EXT1: variants seen among roughly 807,000 people sequenced by gnomAD.
The protein encoded by EXT1 is exostosin-1.
EXT1 carries 20 observed loss-of-function variants against 82.5 expected under a neutral mutation model. The observed-to-expected ratio is 0.24, with a 90% CI of 0.17 to 0.35. EXT1 has a LOEUF of 0.35. Among genes scored for constraint, EXT1 ranks in the 10% least tolerant of loss-of-function variants. The pLI is 1.00. For synonymous variants in EXT1, 348 were observed against 350.8 expected (o/e 0.99, Z 0.09); for missense variants, 757 against 936.5 (o/e 0.81, Z 2.50).
rs563340094 is a variant in EXT1 at position 118,039,205 on chromosome 8, T to C, written c.962+70880A>G. Among the ~76,000 whole-genome samples the C allele has an allele frequency of 2.0e-5, 3 of 152,366 alleles. No homozygotes were observed. The East Asian group carries it at 5.8e-4, about 29-fold the overall frequency. On this transcript the variant is annotated intron_variant, in intron 1 of 10. Transcript: ENST00000378204. ...AAGTATACTTTTTACAAAGTGTATG[T>C]AGGCTCAGATAATGTATTTGCTGAT...
At chr8:117,991,977 G>A (rs1407640611) in intron 1 of EXT1, among the ~76,000 whole-genome samples, 1 of 152,192 alleles carries the variant, frequency 6.6e-6, no homozygotes, top group Non-Finnish European at 1.5e-5. Context: ...CAAAAACCCA[G>A]CATGGCACCT....
At chr8:118,006,073 G>A (rs1326465477) in intron 1 of EXT1, among the ~76,000 whole-genome samples, 5 of 152,194 alleles carry the variant, frequency 3.3e-5, no homozygotes, top group Non-Finnish European at 4.4e-5. Flanking sequence ...ATCCTCTCAG[G>A]TATACTCAGC....
At chr8:118,100,417 T>C (rs570410421) in intron 1 of EXT1, among the ~76,000 whole-genome samples, 1 of 152,226 alleles carries the variant, frequency 6.6e-6, no homozygotes, top group East Asian at 1.9e-4. Flanking sequence ...TCACACACGG[T>C]GTCCCTCCAA....
rs150607538 is a variant in EXT1, at chr8:118,044,110, G to A, written c.962+65975C>T. Among the ~76,000 whole-genome samples, 1,048 of 152,210 alleles carry A rather than the reference G, an allele frequency of 6.9e-3. 3 individuals carry two copies. The highest frequency in any genetic ancestry group is 0.011 in the Non-Finnish European group (778 of 68,026). On this transcript the variant is annotated intron_variant, in intron 1 of 10. Coordinates refer to ENST00000378204, the MANE Select transcript of EXT1 (RefSeq NM_000127.3). Reference sequence around the variant, plus strand: ...GTTAAACATCAGGGTTACGTATAACGCCGACTGAAATGGATTTTTTGTTCC... The same window carrying A: ...GTTAAACATCAGGGTTACGTATAACACCGACTGAAATGGATTTTTTGTTCC...
rs61249983 is a variant in EXT1 at position 117,874,575 on chromosome 8, CAA to C, written c.963-37376_963-37375del. ...TAGGCAACAAAGTGAGACTCTGCCT[CAA>C]AAAAAAAAAAAAAAAAGAACAATCC... On this transcript the variant is annotated intron_variant, in intron 1 of 10. Coordinates refer to ENST00000378204, the MANE Select transcript of EXT1 (RefSeq NM_000127.3). Among the ~76,000 whole-genome samples the C allele has an allele frequency of 3.3e-3, 228 of 69,740 alleles. 5 individuals carry two copies. The highest frequency in any genetic ancestry group is 5.0e-3 in the Non-Finnish European group (173 of 34,722). 45.8% of individuals were successfully genotyped at this position (69,740 alleles called of 152,430 possible).
At chr8:117,842,812 G>A (rs2129806638) in intron 1 of EXT1, among the ~76,000 whole-genome samples, 1 of 152,302 alleles carries the variant, frequency 6.6e-6, no homozygotes, top group South Asian at 2.1e-4. Context: ...GATGTTGCTG[G>A]TGCACTGTGC....
chr8:117,804,429 G>T (rs1427931202), intron 10 of EXT1, among the ~76,000 whole-genome samples: 2 of 152,124 alleles, frequency 1.3e-5, no homozygotes, highest in Non-Finnish European at 1.5e-5. Context: ...TGGTATTTTT[G>T]TCATAGCAGC....
intron 1 of EXT1, among the ~76,000 whole-genome samples, chr8:117,863,329 G>A (rs1468932245): frequency 9.0e-6 from 1 of 111,204 alleles, no homozygotes. Context: ...CAAAGTGCAT[G>A]CTCTTCACTT....
At chr8:117,894,805 T>C (rs771827972) in intron 1 of EXT1, among the ~76,000 whole-genome samples, 21 of 152,196 alleles carry the variant, frequency 1.4e-4, no homozygotes, top group Non-Finnish European at 2.4e-4. Context: ...AAATGTGTTA[T>C]AGGCAACACA....
chr8:118,085,390 C>T (rs1279116333), intron 1 of EXT1, among the ~76,000 whole-genome samples: 1 of 151,494 alleles, frequency 6.6e-6, no homozygotes, highest in Non-Finnish European at 1.5e-5. Context: ...TAAGTGGCAT[C>T]GGGCCAGCTT....
In EXT1 at chr8:117,835,449, A is replaced by G. The variant is rs141380841; in HGVS notation, c.1159T>C (p.Leu387=). ...GGCCACAGCCCCTTCCTTACCTGTA[A>G]TAACAATCTCTCATCGCCTATGACG... ...AAVIGDERLL[L]QIPSTIRSIH... is the part of the protein sequence containing the mutation. Residue 387 remains leucine, a synonymous_variant, in exon 3 of 11, where the codon TTA becomes CTA. Transcript: ENST00000378204. 7 of 1,613,212 alleles carry G rather than the reference A, an allele frequency of 4.3e-6. No individual in the cohort carries two copies. The highest frequency in any genetic ancestry group is 5.9e-6 in the Non-Finnish European group (7 of 1,179,234).
chr8:117,858,502 T>C (rs28797210), intron 1 of EXT1, among the ~76,000 whole-genome samples: 5,329 of 151,802 alleles, frequency 0.035, 320 homozygotes, highest in African/African-American at 0.12. Context: ...TGAAACCCCA[T>C]CTCTACTAAA....
Position 117,819,726 on chromosome 8 carries a change from G to A in EXT1, c.1486C>T (p.Pro496Ser), listed in dbSNP as rs139784916. The A allele has an allele frequency of 5.0e-6, 8 of 1,613,206 alleles. No individual in the cohort carries two copies. The highest frequency in any genetic ancestry group is 6.8e-6 in the Non-Finnish European group (8 of 1,180,036). Residue 496 changes from proline to serine, a missense_variant, in exon 6 of 11, where the codon CCA becomes TCA. Physicochemically the swap from Pro to Ser is moderately conservative, Grantham distance 74. Coordinates refer to ENST00000378204, the MANE Select transcript of EXT1 (RefSeq NM_000127.3). ...AVTPLVSQSQ[P>S]VLKLLVAAAK... ...GCAGCCACGAGAAGCTTCAACACTGGCTGGGACTGAGAGACCAGGGGGGTC... is the reference window on the plus strand; with the variant it reads ...GCAGCCACGAGAAGCTTCAACACTGACTGGGACTGAGAGACCAGGGGGGTC...
chr8:117,856,421 A>ATTTTT (rs1563581243), intron 1 of EXT1, among the ~76,000 whole-genome samples: 22 of 120,000 alleles, frequency 1.8e-4, no homozygotes, highest in Middle Eastern at 4.0e-3. Flanking sequence ...CGCCTGGCTA[A>ATTTTT]ATTTTTTTTT....
At chr8:117,937,597 A>C (rs1334196996) in intron 1 of EXT1, among the ~76,000 whole-genome samples, 2 of 152,260 alleles carry the variant, frequency 1.3e-5, no homozygotes, top group African/African-American at 2.4e-5. Context: ...ACACAAAGCA[A>C]GCTCTTGTCA....
intron 1 of EXT1, among the ~76,000 whole-genome samples, chr8:117,901,977 T>G (rs1813458240): frequency 6.6e-6 from 1 of 152,066 alleles, no homozygotes; most frequent in Non-Finnish European, 1.5e-5. Flanking sequence ...GGATTATAGG[T>G]GTGAGCCACT....
rs571102521 is a variant in EXT1 at position 118,094,713 on chromosome 8, T to C, written c.962+15372A>G. 2.6e-5 allele frequency among the ~76,000 whole-genome samples: 4 copies of C among 152,350 alleles called. No individual in the cohort carries two copies. In the East Asian group the frequency reaches 7.7e-4, roughly 29 times the overall value. On this transcript the variant is annotated intron_variant, in intron 1 of 10. Transcript: ENST00000378204. ...AAGCTGACCAAGGTCTCGTAGCTAG[T>C]GACAGAGTCACCATCTGAATTCAAA...
At chr8:117,961,091 G>C (rs1814689495) in intron 1 of EXT1, among the ~76,000 whole-genome samples, 1 of 151,494 alleles carries the variant, frequency 6.6e-6, no homozygotes, top group African/African-American at 2.4e-5. Flanking sequence ...CCAAATTTCA[G>C]GGCATTTTCT....
intron 1 of EXT1, among the ~76,000 whole-genome samples, chr8:117,920,916 G>A (rs1441743634): frequency 6.6e-6 from 1 of 152,074 alleles, no homozygotes; most frequent in Non-Finnish European, 1.5e-5. Context: ...CATCAAGCAG[G>A]ACTCCACCAC....
Sources: allele counts gnomAD v4.1 joint callset (sites outside exome capture counted in the v4.1 genomes callset), GRCh38; gene constraint gnomAD v4.1.1; transcripts MANE v1.5; gene names NCBI Gene and HGNC (gene_info 2026-07-23, HGNC 2026-07-21).